Variants in SUFU observed in about 807,000 individuals in gnomAD.
SUFU encodes the protein suppressor of fused homolog.
A neutral mutation model predicts 58.9 loss-of-function variants in SUFU; 7 were observed. That is an observed-to-expected ratio of 0.12 (90% CI 0.07 to 0.22). The LOEUF (loss-of-function observed/expected upper bound fraction) is 0.22. SUFU is among the 10% of genes least tolerant of loss of function. The pLI is 1.00. For missense variants in SUFU, 451 were observed against 641.3 expected (o/e 0.70, Z 3.20); for synonymous variants, 232 against 254.8 (o/e 0.91, Z 0.85).
intron 8 of SUFU, among the ~76,000 whole-genome samples, chr10:102,605,706 G>C (rs2063556918): frequency 6.9e-6 from 1 of 144,628 alleles, no homozygotes; most frequent in Non-Finnish European, 1.5e-5. Context: ...CTGCCTTAAA[G>C]GGAGACCTGC....
intron 3 of SUFU, among the ~76,000 whole-genome samples, chr10:102,559,317 A>G (rs563422053): frequency 1.3e-5 from 2 of 152,266 alleles, no homozygotes; most frequent in African/African-American, 4.8e-5. Flanking sequence ...CAGAAAACCA[A>G]AATTGGGGTT....
chr10:102,547,051 C>T (rs2062863022), intron 2 of SUFU, among the ~76,000 whole-genome samples: 1 of 152,224 alleles, frequency 6.6e-6, no homozygotes, highest in Non-Finnish European at 1.5e-5. Flanking sequence ...CATTGTGCAG[C>T]CGAAGAGGAA....
Position 102,617,641 on chromosome 10 carries a change from C to A in SUFU, c.1296+213C>A. On this transcript the variant is annotated intron_variant, in intron 10 of 11. Transcript: ENST00000369902. The surrounding 1 kb of genome is among the most constrained non-coding windows in gnomAD (Gnocchi z 4.4). The stretch of plus-strand genomic sequence containing the variant: ...TAGGAGCACTTCCTGACCTTCTCCC[C>A]CTGTCACCTGAGACACAAGTGTTAA... 3.1e-6 allele frequency: 2 copies of A among 637,460 alleles called. No individual in the cohort carries two copies. The highest frequency in any genetic ancestry group is 2.0e-5 in the South Asian group (1 of 51,116). The allele number at this position is 637,460 out of a possible 1,614,324, so 39.5% of individuals were successfully genotyped here. A position where few individuals can be genotyped will look rare whatever the true frequency, so the allele number is the denominator to read the frequency against.
At chr10:102,595,599 T>TCC (rs10646052) in intron 6 of SUFU, among the ~76,000 whole-genome samples, 1 of 148,488 alleles carries the variant, frequency 6.7e-6, no homozygotes, top group African/African-American at 2.5e-5. Flanking sequence ...AGGGCTGTTC[T>TCC]TCCTAGTCTG....
At chr10:102,578,612 G>A (rs2063239682) in intron 3 of SUFU, among the ~76,000 whole-genome samples, 1 of 151,702 alleles carries the variant, frequency 6.6e-6, no homozygotes, top group African/African-American at 2.4e-5. Flanking sequence ...GTAGGCTGAG[G>A]CAGGAGAACT....
chr10:102,561,032 G>A (rs1250116699), intron 3 of SUFU, among the ~76,000 whole-genome samples: 2 of 152,002 alleles, frequency 1.3e-5, no homozygotes, highest in South Asian at 2.1e-4. Flanking sequence ...TAGTAGAGAC[G>A]GGGTTTCACC....
chr10:102,523,342 C>G (rs2062572823), intron 2 of SUFU, among the ~76,000 whole-genome samples: 1 of 152,136 alleles, frequency 6.6e-6, no homozygotes, highest in South Asian at 2.1e-4. Context: ...TGCCTCCGAC[C>G]ACCAGTTTCT....
At chr10:102,593,266 C>G (rs1301553101) in intron 4 of SUFU, among the ~76,000 whole-genome samples, 1 of 152,204 alleles carries the variant, frequency 6.6e-6, no homozygotes, top group East Asian at 1.9e-4. Flanking sequence ...TTTACATTCC[C>G]CATGATACCA....
chr10:102,581,386 T>A (rs1328005384), intron 3 of SUFU, among the ~76,000 whole-genome samples: 3 of 152,110 alleles, frequency 2.0e-5, no homozygotes, highest in African/African-American at 7.2e-5. Flanking sequence ...AGATGTTTTG[T>A]TCAACAAAAA....
At chr10:102,561,198 G>A (rs1432616392) in intron 3 of SUFU, among the ~76,000 whole-genome samples, 1 of 152,214 alleles carries the variant, frequency 6.6e-6, no homozygotes, top group African/African-American at 2.4e-5. Flanking sequence ...TTAGCCAGGT[G>A]TGGAGAAATT....
intron 3 of SUFU, among the ~76,000 whole-genome samples, chr10:102,589,838 G>A (rs1473981327): frequency 6.6e-6 from 1 of 152,078 alleles, no homozygotes; most frequent in Admixed American, 6.6e-5. Context: ...CACCTCTGTC[G>A]TGTTCCTGAT....
At position 102,631,899 on chromosome 10, in the gene SUFU, G is replaced by A. The variant is rs1045630555; in HGVS notation, c.*1744G>A. ...CCGCCAGCCAAGATGCAAGCCACTC[G>A]GGACCTGATGTCGGCAGCTGTGCCT... On this transcript the variant is annotated 3_prime_UTR_variant, in exon 12 of 12. Transcript: ENST00000369902. 8 of 233,234 alleles carry A rather than the reference G, an allele frequency of 3.4e-5. No individual in the cohort carries two copies. Among genetic ancestry groups the A allele is most frequent in the Middle Eastern group, 1.2e-3 (1 of 808 alleles). The allele number at this position is 233,234 out of a possible 1,614,324, so 14.4% of individuals were successfully genotyped here. A position where few individuals can be genotyped will look rare whatever the true frequency, so the allele number is the denominator to read the frequency against.
At chr10:102,594,531 C>T (rs753388830) in intron 6 of SUFU, among the ~76,000 whole-genome samples, 83 of 152,074 alleles carry the variant, frequency 5.5e-4, no homozygotes, top group Non-Finnish European at 1.1e-3. Context: ...TCCCCATTTT[C>T]GCCACATTTT....
chr10:102,512,814 T>C (rs1374421551), intron 2 of SUFU, among the ~76,000 whole-genome samples: 3 of 152,186 alleles, frequency 2.0e-5, no homozygotes, highest in African/African-American at 7.2e-5. Flanking sequence ...CCTATAGTCC[T>C]AGCACTTTGG....
At chr10:102,566,490 G>A (rs2063090763) in intron 3 of SUFU, among the ~76,000 whole-genome samples, 2 of 152,072 alleles carry the variant, frequency 1.3e-5, no homozygotes, top group Non-Finnish European at 2.9e-5. Flanking sequence ...ATTAGGTCAG[G>A]CGCGGTAGCT....
chr10:102,616,904 C>T (rs910913098), intron 9 of SUFU, among the ~76,000 whole-genome samples: 1 of 152,220 alleles, frequency 6.6e-6, no homozygotes, highest in Non-Finnish European at 1.5e-5. Context: ...ACTTCACCTC[C>T]GTCCCCTAAG....
rs536673815 is a variant in SUFU, at chr10:102,617,824, G to A, written c.1296+396G>A. The A allele has an allele frequency of 2.2e-6, 1 of 458,646 alleles. No homozygotes were observed. Among genetic ancestry groups the A allele is most frequent in the African/African-American group, 1.9e-5 (1 of 51,298 alleles). 28.4% of individuals were successfully genotyped at this position (458,646 alleles called of 1,614,324 possible). On this transcript the variant is annotated intron_variant, in intron 10 of 11. Coordinates refer to ENST00000369902, the MANE Select transcript of SUFU (RefSeq NM_016169.4). This position sits in a 1 kb window ranked among gnomAD's most constrained non-coding sequence, Gnocchi z 4.4. The stretch of plus-strand genomic sequence containing the variant: ...GAGGCCACTCTCCAATGGCTACATG[G>A]AAATCCCACCAGAATTCAGACAGTG...
chr10:102,630,715 T>C lies in SUFU; in HGVS notation c.*560T>C. 3.7e-6 allele frequency: 1 copy of C among 267,150 alleles called. No homozygotes were observed. Among genetic ancestry groups the C allele is most frequent in the South Asian group, 1.0e-4 (1 of 9,568 alleles). The allele number at this position is 267,150 out of a possible 1,614,324, so 16.5% of individuals were successfully genotyped here. A position where few individuals can be genotyped will look rare whatever the true frequency, so the allele number is the denominator to read the frequency against. On this transcript the variant is annotated 3_prime_UTR_variant, in exon 12 of 12. Coordinates refer to ENST00000369902, the MANE Select transcript of SUFU (RefSeq NM_016169.4). ...GCTCTGCAAAGATGTCCAGAAGCCA[T>C]GTATATAATGTTTTTTAAACAGAAC...
At chr10:102,593,535 G>A in intron 4 of SUFU, 101 bp from the exon 5 acceptor site, 1 of 1,137,064 alleles carries the variant, frequency 8.8e-7, no homozygotes, top group Non-Finnish European at 1.3e-6. Flanking sequence ...TCCTGCCTGT[G>A]GTCTCCCAAC....
Sources: allele counts gnomAD v4.1 joint callset (sites outside exome capture counted in the v4.1 genomes callset), GRCh38; gene constraint gnomAD v4.1.1; non-coding constraint Gnocchi (gnomAD v3.1); transcripts MANE v1.5; gene names NCBI Gene and HGNC (gene_info 2026-07-23, HGNC 2026-07-21).